Variants in UBE2D3 observed in about 807,000 individuals in gnomAD.
UBE2D3 encodes ubiquitin conjugating enzyme E2 D3.
In UBE2D3, 2 loss-of-function variants were observed where a neutral mutation model predicts 22.8. The ratio of observed to expected loss-of-function variants is 0.09; its 90% CI spans 0.04 to 0.28. The LOEUF is 0.28. UBE2D3 is among the 10% of genes least tolerant of loss of function. UBE2D3 has a pLI of 1.00. For missense variants in UBE2D3, 27 were observed against 182.5 expected (o/e 0.15, Z 4.91); for synonymous variants, 56 against 60.4 (o/e 0.93, Z 0.34).
intron 2 of UBE2D3, among the ~76,000 whole-genome samples, chr4:102,826,110 C>G (rs890600073): frequency 1.3e-5 from 2 of 152,112 alleles, no homozygotes; most frequent in South Asian, 2.1e-4. Flanking sequence ...ACTAAGTTTT[C>G]AAGCACCAAG....
At chr4:102,830,050 T>A (rs1305394089), upstream of UBE2D3, among the ~76,000 whole-genome samples, 1 of 152,266 alleles carries the variant, frequency 6.6e-6, no homozygotes, top group Non-Finnish European at 1.5e-5. Context: ...ATTGGTTGAT[T>A]GGGCTTTCTG....
chr4:102,814,277 T>C (rs1728478802), intron 2 of UBE2D3, among the ~76,000 whole-genome samples: 2 of 144,512 alleles, frequency 1.4e-5, no homozygotes, highest in Admixed American at 1.4e-4. Flanking sequence ...ACTTAAATTA[T>C]CCACTATTAA....
At chr4:102,815,247 G>C (rs1162921191) in intron 2 of UBE2D3, among the ~76,000 whole-genome samples, 1 of 152,084 alleles carries the variant, frequency 6.6e-6, no homozygotes, top group African/African-American at 2.4e-5. Flanking sequence ...GTTTCACCAT[G>C]TTGGCCACAC....
At chr4:102,867,339 G>A (rs988019795) in intron 1 of UBE2D3, among the ~76,000 whole-genome samples, 4 of 152,140 alleles carry the variant, frequency 2.6e-5, no homozygotes, top group African/African-American at 9.7e-5. Flanking sequence ...ATAACTGGCT[G>A]TTACACTGTC....
At chr4:102,829,157 A>C (rs1390164177), upstream of UBE2D3, among the ~76,000 whole-genome samples, 1 of 152,166 alleles carries the variant, frequency 6.6e-6, no homozygotes, top group South Asian at 2.1e-4. Context: ...TTTGTTGAAA[A>C]TGCGACTTTG....
Position 102,796,454 on chromosome 4 carries a change from A to G in UBE2D3, c.*961T>C, listed in dbSNP as rs1725279762. The G allele has an allele frequency of 6.6e-6, 1 of 152,462 alleles. No individual in the cohort carries two copies. The highest frequency in any genetic ancestry group is 2.4e-5 in the African/African-American group (1 of 41,436). 9.4% of individuals were successfully genotyped at this position (152,462 alleles called of 1,614,324 possible). A position where few individuals can be genotyped will look rare whatever the true frequency, so the allele number is the denominator to read the frequency against. ...CTGTGCACTTTAACTGAACATGGCAAAATATTCACTCTTTCGAACTTTACA... is the reference window on the plus strand; with the variant it reads ...CTGTGCACTTTAACTGAACATGGCAGAATATTCACTCTTTCGAACTTTACA... On this transcript the variant is annotated 3_prime_UTR_variant, in exon 8 of 8. Coordinates refer to ENST00000453744, the MANE Select transcript of UBE2D3 (RefSeq NM_181891.3).
chr4:102,817,213 T>C lies in UBE2D3; in HGVS notation c.25-7358A>G, dbSNP rs111812955. The stretch of plus-strand genomic sequence containing the variant: ...CAGAGTACACCAGGAGAGTGGCAGA[T>C]TTAGCTAAAAAGGCAGGTTATGACT... On this transcript the variant is annotated intron_variant, in intron 2 of 7. Transcript: ENST00000453744. 3.7e-3 allele frequency among the ~76,000 whole-genome samples: 558 copies of C among 152,294 alleles called. 3 individuals carry two copies. Among genetic ancestry groups the C allele is most frequent in the African/African-American group, 0.013 (529 of 41,556 alleles).
intron 1 of UBE2D3, among the ~76,000 whole-genome samples, chr4:102,846,916 T>C (rs1414032916): frequency 1.3e-5 from 2 of 151,892 alleles, no homozygotes; most frequent in East Asian, 3.9e-4. Flanking sequence ...AGGGCTGGGA[T>C]TACAGGCATG....
At chr4:102,801,389 A>T in intron 6 of UBE2D3, 65 bp downstream of exon 6, 1 of 1,347,566 alleles carries the variant, frequency 7.4e-7, no homozygotes, top group Non-Finnish European at 1.0e-6. Context: ...ATACTCAGAT[A>T]AGTAGATCTA....
chr4:102,831,443 A>G (rs566521793), upstream of UBE2D3, among the ~76,000 whole-genome samples: 1 of 152,326 alleles, frequency 6.6e-6, no homozygotes, highest in South Asian at 2.1e-4. Flanking sequence ...TTCCACACAA[A>G]AACATATATA....
chr4:102,843,827 CA>C (rs1560887064), intron 1 of UBE2D3: 1 of 152,080 alleles, frequency 6.6e-6, no homozygotes, highest in East Asian at 1.9e-4. Flanking sequence ...TATGGAATAA[CA>C]AAAGACCATC....
intron 4 of UBE2D3, among the ~76,000 whole-genome samples, chr4:102,805,918 CTCTCT>C (rs1404277069): frequency 6.6e-6 from 1 of 152,280 alleles, no homozygotes; most frequent in Non-Finnish European, 1.5e-5. Context: ...CAACTTCTTC[CTCTCT>C]TATCTCAGAA....
At chr4:102,834,187 C>T (rs1731264851) in intron 1 of UBE2D3, among the ~76,000 whole-genome samples, 1 of 152,120 alleles carries the variant, frequency 6.6e-6, no homozygotes, top group African/African-American at 2.4e-5. Flanking sequence ...CTTTCTTTTT[C>T]CCCCTTTTCT....
At position 102,826,551 on chromosome 4, in the gene UBE2D3, C is replaced by G. The variant is rs1245237431; in HGVS notation, c.-43G>C. 1.2e-6 allele frequency: 2 copies of G among 1,611,308 alleles called. No individual in the cohort carries two copies. The highest frequency in any genetic ancestry group is 3.3e-5 in the Admixed American group (2 of 59,866). ...TGGCTCCTCACTCTCTCGGTGTATG[C>G]TCAAAGGTCCGGCCAAAACTCTTGA... On this transcript the variant is annotated 5_prime_UTR_variant, in exon 2 of 8. Transcript: ENST00000453744.
chr4:102,798,319 G>C (rs1020879713), intron 7 of UBE2D3, among the ~76,000 whole-genome samples: 1 of 87,722 alleles, frequency 1.1e-5, no homozygotes, highest in Non-Finnish European at 2.2e-5. Flanking sequence ...TTTTTATATT[G>C]TTTAAATATT....
At chr4:102,824,871 T>TAA (rs1359335833) in intron 2 of UBE2D3, among the ~76,000 whole-genome samples, 1 of 152,264 alleles carries the variant, frequency 6.6e-6, no homozygotes, top group East Asian at 1.9e-4. Context: ...TCCTGGCCTT[T>TAA]AAAGTGGTCA....
chr4:102,811,032 G>T (rs1248946158), intron 2 of UBE2D3: 1 of 152,166 alleles, frequency 6.6e-6, no homozygotes, highest in Non-Finnish European at 1.5e-5. Context: ...TAACACAGAA[G>T]GGTAAGGTTT....
At chr4:102,804,842 T>A (rs1406113281) in intron 4 of UBE2D3, among the ~76,000 whole-genome samples, 1 of 151,622 alleles carries the variant, frequency 6.6e-6, no homozygotes, top group African/African-American at 2.4e-5. Context: ...AGTTGGCTAA[T>A]TTTTTTTGTC....
chr4:102,822,385 G>T (rs1279480189), intron 2 of UBE2D3, among the ~76,000 whole-genome samples: 2 of 152,176 alleles, frequency 1.3e-5, no homozygotes, highest in East Asian at 3.9e-4. Context: ...ACTAGTTGGG[G>T]ACAATAAATA....
Sources: allele counts gnomAD v4.1 joint callset (sites outside exome capture counted in the v4.1 genomes callset), GRCh38; gene constraint gnomAD v4.1.1; transcripts MANE v1.5; gene names NCBI Gene and HGNC (gene_info 2026-07-23, HGNC 2026-07-21).